The following TGM3 variants were observed in gnomAD, a reference collection of about 807,000 sequenced individuals.
The protein encoded by TGM3 is transglutaminase 3.
Under a neutral mutation model 73.8 loss-of-function variants are expected in TGM3, and 52 were observed. That is an observed-to-expected ratio of 0.70 (90% confidence interval 0.56 to 0.89). The LOEUF is 0.89. TGM3 is among the 40% of genes least tolerant of loss of function. The probability of loss-of-function intolerance (pLI) is 0.00; values close to 1 mark genes in which losing one functional copy is unlikely to be tolerated. For synonymous variants in TGM3, 372 were observed against 354.9 expected (o/e 1.05, Z -0.54); for missense variants, 928 against 909.9 (o/e 1.02, Z -0.26).
chr20:2,300,710 A>C (rs939422626), intron 1 of TGM3, among the ~76,000 whole-genome samples: 3 of 151,302 alleles, frequency 2.0e-5, no homozygotes, highest in Admixed American at 6.6e-5. Context: ...CCATTTTGAT[A>C]GTCAGTATTT....
At position 2,309,835 on chromosome 20, in the gene TGM3, C is replaced by G; in HGVS notation, c.181+5C>G. ...TGGAGTTCATTGTCTCCACAGGTAC[C>G]TGCTCATTCCCCTCCTTGCCCAAAC... is the stretch of plus-strand genomic sequence containing the variant. On this transcript the variant is annotated splice_donor_5th_base_variant and intron_variant, in intron 2 of 12. Transcript: ENST00000381458. The G allele has an allele frequency of 6.2e-7, 1 of 1,614,086 alleles. No individual in the cohort carries two copies. Among genetic ancestry groups the G allele is most frequent in the Non-Finnish European group, 8.5e-7 (1 of 1,179,938 alleles).
chr20:2,299,423 A>G (rs2084130382), intron 1 of TGM3, among the ~76,000 whole-genome samples: 1 of 100,072 alleles, frequency 1.0e-5, no homozygotes, highest in Non-Finnish European at 2.3e-5. Flanking sequence ...GTTCACCTCA[A>G]GTAACTTCAT....
chr20:2,313,109 T>C lies in TGM3; in HGVS notation c.669+83T>C. ...GAGCTAGGCACGCACACTCTTTACA[T>C]ATGTCATCTCATTAAAGCCTCACCA... On this transcript the variant is annotated intron_variant, in intron 5 of 12. Transcript: ENST00000381458. 1.9e-6 allele frequency: 3 copies of C among 1,564,402 alleles called. No homozygotes were observed. The South Asian group carries it at 3.4e-5, about 18-fold the overall frequency.
chr20:2,311,461 G>A (rs997389251), intron 4 of TGM3, among the ~76,000 whole-genome samples: 3 of 152,136 alleles, frequency 2.0e-5, no homozygotes, highest in African/African-American at 7.2e-5. Context: ...AGACACTGGG[G>A]ACAGTAATGT....
At chr20:2,335,804 G>A (rs1179715789) in intron 11 of TGM3, among the ~76,000 whole-genome samples, 5 of 152,144 alleles carry the variant, frequency 3.3e-5, no homozygotes, top group Non-Finnish European at 7.4e-5. Flanking sequence ...CCCCTGTCTA[G>A]ACCCTGGAGT....
At chr20:2,301,318 T>A (rs1378091700) in intron 1 of TGM3, among the ~76,000 whole-genome samples, 1 of 150,710 alleles carries the variant, frequency 6.6e-6, no homozygotes, top group Admixed American at 6.6e-5. Flanking sequence ...AGCCTGTCGG[T>A]GACCAGGATC....
At chr20:2,326,057 A>G (rs2084286290) in intron 8 of TGM3, 105 bp downstream of exon 8, 4 of 1,118,088 alleles carry the variant, frequency 3.6e-6, no homozygotes, top group Non-Finnish European at 5.2e-6. Flanking sequence ...TCTGGAATGC[A>G]TGATGGGATT....
intron 10 of TGM3, among the ~76,000 whole-genome samples, chr20:2,333,303 A>G (rs377173733): frequency 6.9e-4 from 105 of 152,326 alleles, no homozygotes; most frequent in African/African-American, 2.5e-3. Context: ...TTTTAGCAGA[A>G]ATCTTTTCAA....
intron 1 of TGM3, among the ~76,000 whole-genome samples, chr20:2,298,132 C>T (rs193056394): frequency 4.2e-4 from 64 of 152,192 alleles, no homozygotes; most frequent in African/African-American, 1.4e-3. Flanking sequence ...AGGGGACTAT[C>T]GGGATGACAG....
Position 2,296,052 on chromosome 20 carries a change from G to A in TGM3, c.-12G>A, listed in dbSNP as rs554792642. 3.7e-5 allele frequency: 58 copies of A among 1,551,396 alleles called. No homozygotes were observed. The highest frequency in any genetic ancestry group is 4.9e-5 in the Non-Finnish European group (56 of 1,147,008). On this transcript the variant is annotated 5_prime_UTR_variant, in exon 1 of 13. Transcript: ENST00000381458. ...CCAGAGGAGCCTGAGAAGAGGCAGA[G>A]GAAGGCGAAACATGGCTGGTGAGTG...
intron 1 of TGM3, among the ~76,000 whole-genome samples, chr20:2,306,714 T>A (rs543332027): frequency 6.0e-4 from 91 of 152,310 alleles, no homozygotes; most frequent in Non-Finnish European, 1.1e-3. Flanking sequence ...TGACCTCAAA[T>A]GATCCACCCA....
rs199889633 is a variant in TGM3, at chr20:2,335,145, G to A, written c.1672G>A (p.Ala558Thr). Residue 558 changes from alanine to threonine, a missense_variant, in exon 11 of 13, where the codon GCT becomes ACT. Ala to Thr is a moderately conservative substitution (Grantham distance 58). Transcript: ENST00000381458. Reference sequence around the variant, plus strand: ...AGAACATCCCATAAAGATCTCGTACGCTCAGTATGAGAAGTACCTGAAGTC... The same window carrying A: ...AGAACATCCCATAAAGATCTCGTACACTCAGTATGAGAAGTACCTGAAGTC... ...EAEHPIKISYAQYEKYLKSDN... is the reference protein window; with the variant it reads ...EAEHPIKISYTQYEKYLKSDN... The A allele has an allele frequency of 1.5e-4, 240 of 1,614,246 alleles. No individual in the cohort carries two copies. Among genetic ancestry groups the A allele is most frequent in the East Asian group, 6.2e-4 (28 of 44,884 alleles).
At position 2,335,129 on chromosome 20, in the gene TGM3, C is replaced by A; in HGVS notation, c.1656C>A (p.Pro552=). 6.2e-7 allele frequency: 1 copy of A among 1,614,250 alleles called. No homozygotes were observed. Among genetic ancestry groups the A allele is most frequent in the Middle Eastern group, 1.6e-4 (1 of 6,062 alleles). The part of the protein sequence containing the change: ...SLDPEEEAEH[P]IKISYAQYEK... The stretch of plus-strand genomic sequence containing the variant: ...TTCTCCTTCCAGAGGCAGAACATCC[C>A]ATAAAGATCTCGTACGCTCAGTATG... Residue 552 remains proline (P), a synonymous_variant, in exon 11 of 13, where the codon CCC becomes CCA. Transcript: ENST00000381458.
chr20:2,321,794 G>A (rs6082722), intron 7 of TGM3, among the ~76,000 whole-genome samples: 5,373 of 152,246 alleles, frequency 0.035, 128 homozygotes, highest in African/African-American at 0.062. Context: ...TCCACATGGC[G>A]CCACTGGGCA....
Position 2,314,400 on chromosome 20 carries a change from C to T in TGM3, c.669+1374C>T, listed in dbSNP as rs137902658. Among the ~76,000 whole-genome samples, 96 of 152,014 alleles carry T rather than the reference C, an allele frequency of 6.3e-4. 1 individual carries two copies. The East Asian group carries it at 0.018, about 28-fold the overall frequency. On this transcript the variant is annotated intron_variant, in intron 5 of 12. Coordinates refer to ENST00000381458, the MANE Select transcript of TGM3 (RefSeq NM_003245.4). ...TGCTCAAAAGTTGTAAGTTAAGATGCAAAAAGTCGTGATCAGGCACAGTGG... is the reference window on the plus strand; with the variant it reads ...TGCTCAAAAGTTGTAAGTTAAGATGTAAAAAGTCGTGATCAGGCACAGTGG...
intron 11 of TGM3, among the ~76,000 whole-genome samples, chr20:2,335,914 G>C (rs768426633): frequency 6.6e-6 from 1 of 152,206 alleles, no homozygotes; most frequent in Non-Finnish European, 1.5e-5. Context: ...GCTGGCCACC[G>C]CCAGAGTCAA....
Position 2,332,138 on chromosome 20 carries a change from T to A in TGM3, c.1470T>A (p.Ala490=). The A allele has an allele frequency of 6.2e-7, 1 of 1,614,204 alleles. No individual in the cohort carries two copies. Among genetic ancestry groups the A allele is most frequent in the Non-Finnish European group, 8.5e-7 (1 of 1,180,022 alleles). The part of the protein sequence containing the change: ...EPSIIGKLKV[A]GMLAVGKEVN... ...GCATCATCGGGAAGCTGAAGGTCGC[T>A]GGCATGCTGGCAGTAGGCAAAGAAG... Residue 490 remains alanine (A), a synonymous_variant, in exon 10 of 13, where the codon GCT becomes GCA. Transcript: ENST00000381458. The surrounding 1 kb of genome is among the most constrained non-coding windows in gnomAD (Gnocchi z 4.4).
At chr20:2,339,045 G>A (rs1419147463) in intron 11 of TGM3, among the ~76,000 whole-genome samples, 1 of 152,270 alleles carries the variant, frequency 6.6e-6, no homozygotes, top group East Asian at 1.9e-4. Context: ...CAAGGACCGT[G>A]TGGTATTAGA....
intron 7 of TGM3, among the ~76,000 whole-genome samples, chr20:2,322,499 T>G (rs1381030210): frequency 1.3e-5 from 2 of 152,202 alleles, no homozygotes; most frequent in Non-Finnish European, 2.9e-5. Context: ...TCATTTCAAA[T>G]ACGTCGTAAG....
Sources: allele counts gnomAD v4.1 joint callset (sites outside exome capture counted in the v4.1 genomes callset), GRCh38; gene constraint gnomAD v4.1.1; non-coding constraint Gnocchi (gnomAD v3.1); transcripts MANE v1.5; gene names NCBI Gene and HGNC (gene_info 2026-07-23, HGNC 2026-07-21).